The following CPT1A variants were observed in gnomAD, a reference collection of about 807,000 sequenced individuals.
CPT1A encodes carnitine O-palmitoyltransferase 1, liver isoform.
In CPT1A, 64 loss-of-function variants were observed where a neutral mutation model predicts 100.8. That is an observed-to-expected ratio of 0.63 (90% CI 0.52 to 0.78). CPT1A has a LOEUF of 0.78. Among genes scored for constraint, CPT1A ranks in the 30% least tolerant of loss-of-function variants. CPT1A has a pLI of 0.00. For missense variants in CPT1A, 802 were observed against 1,034.1 expected, an observed-to-expected ratio of 0.78 and a Z score of 3.08; for synonymous variants, 363 against 396.0, an observed-to-expected ratio of 0.92 and a Z score of 0.99.
intron 12 of CPT1A, among the ~76,000 whole-genome samples, chr11:68,776,062 G>C (rs1180512134): frequency 6.6e-6 from 1 of 152,190 alleles, no homozygotes; most frequent in Non-Finnish European, 1.5e-5. Flanking sequence ...ATGAATTCCA[G>C]GTATGTGTTA....
rs367879657 is a variant in CPT1A, at chr11:68,761,704, G to A, written c.1876-17C>T. On this transcript the variant is annotated splice_polypyrimidine_tract_variant and intron_variant, in intron 15 of 18. Transcript: ENST00000265641. ...CTGTTCCACCTGAGTGACAAAAGGTGGGAAGGACATATGTTGCATGTCTCA... is the reference window on the plus strand; with the variant it reads ...CTGTTCCACCTGAGTGACAAAAGGTAGGAAGGACATATGTTGCATGTCTCA... The A allele has an allele frequency of 1.2e-6, 2 of 1,614,040 alleles. No individual in the cohort carries two copies. The highest frequency in any genetic ancestry group is 2.7e-5 in the African/African-American group (2 of 75,032).
At chr11:68,769,678 C>A in intron 14 of CPT1A, among the ~76,000 whole-genome samples, 1 of 152,096 alleles carries the variant, frequency 6.6e-6, no homozygotes, top group Non-Finnish European at 1.5e-5. Context: ...AAATGTTAGC[C>A]TTTTCAAGCC....
In CPT1A at chr11:68,799,215, T is replaced by TA; in HGVS notation, c.693+2dup. On this transcript the variant is annotated splice_region_variant and intron_variant, in intron 6 of 18. Transcript: ENST00000265641. ...TCAAGAAAAACTGTGTATACAGACT[T>TA]ACGTAATTTGTAGCCCACCAGGATT... 6.2e-7 allele frequency: 1 copy of TA among 1,613,564 alleles called. No homozygotes were observed. The highest frequency in any genetic ancestry group is 8.5e-7 in the Non-Finnish European group (1 of 1,179,498).
intron 10 of CPT1A, among the ~76,000 whole-genome samples, chr11:68,783,356 C>A (rs1020912106): frequency 6.6e-6 from 1 of 152,094 alleles, no homozygotes; most frequent in Non-Finnish European, 1.5e-5. Flanking sequence ...TGCCTGGGAC[C>A]CTCCCCAGCT....
At chr11:68,779,124 T>C (rs1023698128) in intron 12 of CPT1A, among the ~76,000 whole-genome samples, 9 of 152,142 alleles carry the variant, frequency 5.9e-5, no homozygotes, top group African/African-American at 2.2e-4. Flanking sequence ...CCCGGCTCCA[T>C]GCCCTATCAA....
At chr11:68,761,744 G>T in intron 15 of CPT1A, 57 bp from the exon 16 acceptor site, 1 of 1,596,546 alleles carries the variant, frequency 6.3e-7, no homozygotes, top group South Asian at 1.1e-5. Flanking sequence ...GAGCAGTTAC[G>T]GATCTAAGTT....
At chr11:68,791,187 G>A (rs1302787910) in intron 9 of CPT1A, among the ~76,000 whole-genome samples, 6 of 151,662 alleles carry the variant, frequency 4.0e-5, no homozygotes, top group African/African-American at 1.5e-4. Context: ...AGTGTAGGCC[G>A]CATGTCTCAA....
chr11:68,813,263 G>C (rs1439585790), intron 2 of CPT1A, among the ~76,000 whole-genome samples: 2 of 152,008 alleles, frequency 1.3e-5, no homozygotes, highest in African/African-American at 4.8e-5. Context: ...AGGTGCGGTG[G>C]CTCACACCTG....
intron 1 of CPT1A, among the ~76,000 whole-genome samples, chr11:68,823,273 G>C (rs1417006602): frequency 6.6e-6 from 1 of 151,910 alleles, no homozygotes; most frequent in Non-Finnish European, 1.5e-5. Context: ...ACTCACCGAA[G>C]TGTACATTTT....
rs1370580117 is a variant in CPT1A, at chr11:68,757,463, G to A, written c.*181C>T. 6 of 1,471,346 alleles carry A rather than the reference G, an allele frequency of 4.1e-6. No individual in the cohort carries two copies. The highest frequency in any genetic ancestry group is 2.5e-5 in the East Asian group (1 of 39,820). The allele number at this position is 1,471,346 out of a possible 1,614,324, so 91.1% of individuals were successfully genotyped here. ...GGAGGGCAAGTCTGGAAGTAGTGGG[G>A]TTATGCTTCACAGGGGAGAGATACT... On this transcript the variant is annotated 3_prime_UTR_variant, in exon 19 of 19. Transcript: ENST00000265641.
Position 68,784,840 on chromosome 11 carries a change from G to C in CPT1A, c.1138C>G (p.Leu380Val). The C allele has an allele frequency of 6.2e-7, 1 of 1,612,004 alleles. No individual in the cohort carries two copies. Among genetic ancestry groups the C allele is most frequent in the East Asian group, 2.2e-5 (1 of 44,874 alleles). Residue 380 changes from leucine (L) to valine (V), a missense_variant, in exon 10 of 19, where the codon CTG becomes GTG. Physicochemically the swap from Leu to Val is conservative, Grantham distance 32. Coordinates refer to ENST00000265641, the MANE Select transcript of CPT1A (RefSeq NM_001876.4). ...TSEPQPGEAR[L>V]AALTAGDRVP... Reference sequence around the variant, plus strand: ...CTGTCTCCTGCGGTGAGGGCTGCCAGCCTGGCCTCCCCGGGCTGAGGCTCC... The same window carrying C: ...CTGTCTCCTGCGGTGAGGGCTGCCACCCTGGCCTCCCCGGGCTGAGGCTCC...
intron 1 of CPT1A, among the ~76,000 whole-genome samples, chr11:68,834,294 A>C (rs1262103039): frequency 6.6e-6 from 1 of 151,956 alleles, no homozygotes; most frequent in African/African-American, 2.4e-5. Context: ...AAAATTAGCC[A>C]GGTGTGGTGG....
Position 68,794,931 on chromosome 11 carries a change from G to C in CPT1A, c.772-20C>G. 6.3e-7 allele frequency: 1 copy of C among 1,592,330 alleles called. No homozygotes were observed. The highest frequency in any genetic ancestry group is 8.6e-7 in the Non-Finnish European group (1 of 1,160,060). On this transcript the variant is annotated intron_variant, in intron 7 of 18. Coordinates refer to ENST00000265641, the MANE Select transcript of CPT1A (RefSeq NM_001876.4). ...CAGATCCTGAAAAGCGACAAAGGTG[G>C]AGAGAATTTGCATAGGGAAAGATAA...
intron 1 of CPT1A, among the ~76,000 whole-genome samples, chr11:68,820,270 G>A (rs931748813): frequency 1.3e-5 from 2 of 151,986 alleles, no homozygotes; most frequent in Non-Finnish European, 2.9e-5. Context: ...GGACTCAAGT[G>A]ATCCACCCAT....
chr11:68,782,152 T>C (rs912030459), intron 10 of CPT1A, among the ~76,000 whole-genome samples, 193 bp from the exon 11 acceptor site: 2 of 152,172 alleles, frequency 1.3e-5, no homozygotes, highest in South Asian at 2.1e-4. Context: ...GACCACAGCA[T>C]GGGGAGCGGT....
intron 12 of CPT1A, 47 bp from the exon 13 acceptor site, chr11:68,775,479 A>T: frequency 2.2e-6 from 3 of 1,378,690 alleles, no homozygotes; most frequent in South Asian, 2.3e-5. Flanking sequence ...TGGTACATAA[A>T]ACACATTAAC....
At chr11:68,839,874 G>A (rs901374395) in intron 1 of CPT1A, among the ~76,000 whole-genome samples, 8 of 152,222 alleles carry the variant, frequency 5.3e-5, no homozygotes, top group Non-Finnish European at 2.9e-5. Context: ...AAGGGACCCA[G>A]TTTAATTCTC....
At chr11:68,796,163 T>C (rs1266955165) in intron 7 of CPT1A, among the ~76,000 whole-genome samples, 1 of 152,158 alleles carries the variant, frequency 6.6e-6, no homozygotes, top group East Asian at 1.9e-4. Flanking sequence ...CGCAGCGCAC[T>C]GGTGGCAGGA....
At chr11:68,807,833 A>G (rs1009563017) in intron 3 of CPT1A, among the ~76,000 whole-genome samples, 195 bp from the exon 4 acceptor site, 2 of 152,206 alleles carry the variant, frequency 1.3e-5, no homozygotes, top group Non-Finnish European at 2.9e-5. Flanking sequence ...TCCTCACCCC[A>G]AAACCAATCA....
Sources: allele counts gnomAD v4.1 joint callset (sites outside exome capture counted in the v4.1 genomes callset), GRCh38; gene constraint gnomAD v4.1.1; transcripts MANE v1.5; gene names NCBI Gene and HGNC (gene_info 2026-07-23, HGNC 2026-07-21).